CSMD1: variants seen among roughly 807,000 people sequenced by gnomAD.
CSMD1 encodes CUB and Sushi multiple domains 1, also known as CUB and sushi domain-containing protein 1.
A neutral mutation model predicts 417.5 loss-of-function variants in CSMD1; 213 were observed. That is an observed-to-expected ratio of 0.51 (90% confidence interval 0.46 to 0.57). CSMD1 has a LOEUF of 0.57. Among genes scored for constraint, CSMD1 ranks in the 20% least tolerant of loss-of-function variants. The pLI is 0.00. For missense variants in CSMD1, 6,923 were observed against 4,529.7 expected (o/e 1.53, Z -15.17); for synonymous variants, 2,862 against 1,736.8 (o/e 1.65, Z -16.11).
intron 6 of CSMD1, among the ~76,000 whole-genome samples, chr8:3,729,354 C>A (rs1480736190): frequency 6.6e-6 from 1 of 152,164 alleles, no homozygotes. Flanking sequence ...CAGTCTAGCT[C>A]TGCCACCACT....
chr8:4,231,487 C>G (rs1431247943), intron 3 of CSMD1, among the ~76,000 whole-genome samples: 1 of 151,024 alleles, frequency 6.6e-6, no homozygotes, highest in Non-Finnish European at 1.5e-5. Context: ...CCAGCTCTCT[C>G]ACGCCCTTCA....
intron 7 of CSMD1, among the ~76,000 whole-genome samples, chr8:3,679,386 T>C (rs56385306): frequency 6.6e-6 from 1 of 152,070 alleles, no homozygotes; most frequent in South Asian, 2.1e-4. Flanking sequence ...GTTGCAATCC[T>C]AGTCTCTGAT....
At chr8:3,175,483 T>TCCTTCCTTCCTGCCTG (rs1182066839) in intron 37 of CSMD1, among the ~76,000 whole-genome samples, 1 of 121,588 alleles carries the variant, frequency 8.2e-6, no homozygotes, top group Non-Finnish European at 1.7e-5. Context: ...TTCCCTTCCT[T>TCCTTCCTTCCTGCCTG]CCTGCCTGCC....
chr8:4,038,455 A>G (rs934576784), intron 3 of CSMD1, among the ~76,000 whole-genome samples: 4 of 152,192 alleles, frequency 2.6e-5, no homozygotes, highest in Admixed American at 1.3e-4. Flanking sequence ...AAAATATGGT[A>G]ATTTAGTGTT....
chr8:4,020,636 T>A (rs2554589), intron 4 of CSMD1, among the ~76,000 whole-genome samples: 67,992 of 152,022 alleles, frequency 0.45, 16,240 homozygotes, highest in South Asian at 0.63. Context: ...GAATCACTCT[T>A]CTTTATTTTT....
At chr8:3,951,142 T>C (rs3116098) in intron 5 of CSMD1, among the ~76,000 whole-genome samples, 1 of 152,188 alleles carries the variant, frequency 6.6e-6, no homozygotes, top group Non-Finnish European at 1.5e-5. Context: ...CTCAAAGTTG[T>C]TTGTTTTACA....
At chr8:3,267,404 C>T (rs1222796836) in intron 26 of CSMD1, among the ~76,000 whole-genome samples, 2 of 152,184 alleles carry the variant, frequency 1.3e-5, no homozygotes, top group East Asian at 1.9e-4. Flanking sequence ...AGCAAGGCTT[C>T]GCTGCAACAA....
chr8:4,969,866 T>C (rs1218229195), intron 1 of CSMD1, among the ~76,000 whole-genome samples: 13 of 151,486 alleles, frequency 8.6e-5, no homozygotes, highest in Non-Finnish European at 1.2e-4. Flanking sequence ...AAGTAGGATA[T>C]AGTGTCACTA....
At position 4,710,464 on chromosome 8, in the gene CSMD1, T is replaced by TTTTA. The variant is rs1554452186; in HGVS notation, c.86-72907_86-72906insTAAA. ...TTATATATTGATATATAATGGAATA[T>TTTTA]TATATATATATATATATGTATCTCT... On this transcript the variant is annotated intron_variant, in intron 1 of 69. Transcript: ENST00000635120. Among the ~76,000 whole-genome samples the TTTTA allele has an allele frequency of 5.5e-5, 8 of 144,844 alleles. No individual in the cohort carries two copies. In the East Asian group the frequency reaches 6.0e-4, roughly 11 times the overall value.
At chr8:4,638,082 C>G (rs1802950460) in intron 1 of CSMD1, among the ~76,000 whole-genome samples, 1 of 152,160 alleles carries the variant, frequency 6.6e-6, no homozygotes, top group East Asian at 1.9e-4. Context: ...AAATATGCAA[C>G]ATTTTGTAAC....
intron 10 of CSMD1, among the ~76,000 whole-genome samples, chr8:3,569,359 A>G (rs1563162591): frequency 6.6e-6 from 1 of 152,258 alleles, no homozygotes; most frequent in Admixed American, 6.5e-5. Flanking sequence ...AATACTTGCA[A>G]TAAACTGACC....
intron 1 of CSMD1, among the ~76,000 whole-genome samples, chr8:4,719,585 G>C (rs1406590993): frequency 7.3e-6 from 1 of 136,660 alleles, no homozygotes; most frequent in African/African-American, 2.8e-5. Context: ...TTCTAAGATA[G>C]CATAGAACTT....
At chr8:3,005,989 T>C (rs1355410991) in intron 52 of CSMD1, among the ~76,000 whole-genome samples, 5 of 152,174 alleles carry the variant, frequency 3.3e-5, no homozygotes, top group Admixed American at 1.3e-4. Context: ...ATTGCCCCTG[T>C]TGGCAGACGA....
At chr8:3,015,373 T>G (rs763972543) in intron 52 of CSMD1, among the ~76,000 whole-genome samples, 1 of 152,298 alleles carries the variant, frequency 6.6e-6, no homozygotes, top group African/African-American at 2.4e-5. Context: ...TAATTTCCCA[T>G]TTTTTCCTGA....
At chr8:3,621,440 G>A (rs528849531) in intron 7 of CSMD1, among the ~76,000 whole-genome samples, 2 of 152,144 alleles carry the variant, frequency 1.3e-5, no homozygotes, top group South Asian at 4.1e-4. Context: ...CTGGGGCAAA[G>A]GGAAAGAGAA....
chr8:4,730,223 C>T (rs1037391611), intron 1 of CSMD1, among the ~76,000 whole-genome samples: 3 of 151,838 alleles, frequency 2.0e-5, no homozygotes, highest in Non-Finnish European at 4.4e-5. Flanking sequence ...CAAAACAAAA[C>T]AAAACAAAAC....
intron 10 of CSMD1, among the ~76,000 whole-genome samples, chr8:3,549,527 G>A (rs1798820457): frequency 6.6e-6 from 1 of 152,122 alleles, no homozygotes; most frequent in African/African-American, 2.4e-5. Flanking sequence ...CTCCTTTCTT[G>A]GATGGATAAA....
chr8:4,205,475 T>TA (rs1425234691), intron 3 of CSMD1, among the ~76,000 whole-genome samples: 1 of 152,234 alleles, frequency 6.6e-6, no homozygotes, highest in Non-Finnish European at 1.5e-5. Context: ...AAAAGCAATT[T>TA]AGTTCTACAA....
At chr8:4,751,990 G>A (rs1040090460) in intron 1 of CSMD1, among the ~76,000 whole-genome samples, 5 of 152,142 alleles carry the variant, frequency 3.3e-5, no homozygotes, top group African/African-American at 9.7e-5. Flanking sequence ...CTGTATATAT[G>A]CGTGTATACA....
Sources: allele counts gnomAD v4.1 joint callset (sites outside exome capture counted in the v4.1 genomes callset), GRCh38; gene constraint gnomAD v4.1.1; transcripts MANE v1.5; gene names NCBI Gene and HGNC (gene_info 2026-07-23, HGNC 2026-07-21).